The following PLXNA4 variants were observed in gnomAD, a reference collection of about 807,000 sequenced individuals.
PLXNA4 encodes plexin A4.
Under a neutral mutation model 191.8 loss-of-function variants are expected in PLXNA4, and 44 were observed. That is an observed-to-expected ratio of 0.23 (90% CI 0.18 to 0.29). The LOEUF (loss-of-function observed/expected upper bound fraction) is 0.29. Ranked by LOEUF, PLXNA4 falls within the 10% of genes least tolerant of loss-of-function variation. The pLI is 1.00. For missense variants in PLXNA4, 1,800 were observed against 2,488.8 expected (o/e 0.72, Z 5.89); for synonymous variants, 1,082 against 1,009.5 (o/e 1.07, Z -1.36).
intron 4 of PLXNA4, among the ~76,000 whole-genome samples, chr7:132,280,937 T>A (rs986988947): frequency 7.2e-5 from 11 of 151,898 alleles, no homozygotes; most frequent in African/African-American, 1.2e-4. Flanking sequence ...TTATAAAAAA[T>A]TTATTAATAA....
intron 4 of PLXNA4, among the ~76,000 whole-genome samples, chr7:132,267,233 GA>G (rs1366671911): frequency 6.6e-6 from 1 of 152,188 alleles, no homozygotes; most frequent in Non-Finnish European, 1.5e-5. Flanking sequence ...GTTGTTATGT[GA>G]GTGTTTATGT....
chr7:132,547,122 G>A (rs537491625), intron 1 of PLXNA4, among the ~76,000 whole-genome samples: 49 of 152,300 alleles, frequency 3.2e-4, no homozygotes, highest in African/African-American at 1.1e-3. Context: ...AGAATTTAAA[G>A]TGAAAAATCC....
chr7:132,469,810 G>A (rs529748639), intron 3 of PLXNA4, among the ~76,000 whole-genome samples: 2 of 152,334 alleles, frequency 1.3e-5, no homozygotes, highest in South Asian at 2.1e-4. Context: ...CTGTTAAGCG[G>A]AAGATGGCAG....
chr7:132,337,189 T>A (rs1005181109), intron 3 of PLXNA4, among the ~76,000 whole-genome samples: 2 of 152,192 alleles, frequency 1.3e-5, no homozygotes, highest in Non-Finnish European at 2.9e-5. Context: ...TTCTCCCCCA[T>A]AAAGGCAGGG....
chr7:132,189,977 A>G (rs984459885), intron 14 of PLXNA4, among the ~76,000 whole-genome samples: 6 of 152,214 alleles, frequency 3.9e-5, no homozygotes, highest in African/African-American at 1.4e-4. Context: ...ATGTCCCTTA[A>G]GTAGAAAAAT....
chr7:132,522,725 T>C (rs984388995), intron 1 of PLXNA4, among the ~76,000 whole-genome samples: 2 of 152,166 alleles, frequency 1.3e-5, no homozygotes, highest in African/African-American at 4.8e-5. Flanking sequence ...CAAGCTGAGA[T>C]TGTGCCACTG....
At chr7:132,214,789 C>T (rs1584855405) in intron 9 of PLXNA4, among the ~76,000 whole-genome samples, 1 of 152,272 alleles carries the variant, frequency 6.6e-6, no homozygotes, top group African/African-American at 2.4e-5. Flanking sequence ...ACTGTGAGAA[C>T]AAGTCTGTCT....
chr7:132,420,217 G>A (rs1021870934), intron 3 of PLXNA4, among the ~76,000 whole-genome samples: 17 of 152,184 alleles, frequency 1.1e-4, no homozygotes, highest in Non-Finnish European at 2.1e-4. Flanking sequence ...TTAATTGATG[G>A]TCTCTGTTCC....
intron 2 of PLXNA4, among the ~76,000 whole-genome samples, chr7:132,502,420 G>T (rs1043745118): frequency 6.6e-6 from 1 of 152,182 alleles, no homozygotes; most frequent in Admixed American, 6.5e-5. Flanking sequence ...ACACAGGGCT[G>T]GTGGGTAAAC....
chr7:132,643,958 A>C (rs1428356085), intron 2 of PLXNA4, among the ~76,000 whole-genome samples: 1 of 152,184 alleles, frequency 6.6e-6, no homozygotes, highest in Non-Finnish European at 1.5e-5. Flanking sequence ...CTTAAAAAAA[A>C]AGAATGGAAA....
At chr7:132,166,223 A>C (rs894773402) in intron 22 of PLXNA4, among the ~76,000 whole-genome samples, 10 of 151,332 alleles carry the variant, frequency 6.6e-5, no homozygotes, top group African/African-American at 1.2e-4. Flanking sequence ...GAAACAAACA[A>C]GAAACTGTCC....
At chr7:132,135,795 T>C (rs947298676) in intron 30 of PLXNA4, among the ~76,000 whole-genome samples, 1 of 152,096 alleles carries the variant, frequency 6.6e-6, no homozygotes, top group Non-Finnish European at 1.5e-5. Flanking sequence ...CCTGAACACA[T>C]CATCCTCTCT....
chr7:132,435,427 C>T (rs1344063577), intron 3 of PLXNA4, among the ~76,000 whole-genome samples: 5 of 151,990 alleles, frequency 3.3e-5, no homozygotes, highest in South Asian at 2.1e-4. Flanking sequence ...GCCTGCAGAC[C>T]CAGAAATGGC....
At position 132,336,194 on chromosome 7, in the gene PLXNA4, T is replaced by C. The variant is rs959861787; in HGVS notation, c.1372-37972A>G. 1.1e-4 allele frequency among the ~76,000 whole-genome samples: 17 copies of C among 152,362 alleles called. No homozygotes were observed. The East Asian group carries it at 3.1e-3, about 28-fold the overall frequency. ...TTCTAGTCCACACCAACTCTGTTTC[T>C]GGAGTTAAGATTTAATTAGCTTCAT... On this transcript the variant is annotated intron_variant, in intron 3 of 31. Coordinates refer to ENST00000321063, the MANE Select transcript of PLXNA4 (RefSeq NM_020911.2).
chr7:132,571,575 GC>G (rs906890221), intron 1 of PLXNA4, among the ~76,000 whole-genome samples: 1 of 152,122 alleles, frequency 6.6e-6, no homozygotes, highest in Non-Finnish European at 1.5e-5. Flanking sequence ...AAGAATCTTT[GC>G]CCAAGAGTGA....
intron 3 of PLXNA4, among the ~76,000 whole-genome samples, chr7:132,343,244 T>C (rs1360678067): frequency 2.0e-5 from 3 of 152,218 alleles, no homozygotes; most frequent in African/African-American, 7.2e-5. Flanking sequence ...AAAATATTCC[T>C]AACATAAAAT....
intron 3 of PLXNA4, among the ~76,000 whole-genome samples, chr7:132,470,050 T>A (rs1268523804): frequency 6.6e-6 from 1 of 152,244 alleles, no homozygotes; most frequent in Non-Finnish European, 1.5e-5. Flanking sequence ...CAAAAGCCTC[T>A]CTGCCTTGTC....
At chr7:132,405,267 GC>G (rs1300951033) in intron 3 of PLXNA4, among the ~76,000 whole-genome samples, 1 of 152,110 alleles carries the variant, frequency 6.6e-6, no homozygotes, top group African/African-American at 2.4e-5. Context: ...TTTGAAATGG[GC>G]TACCGCAATG....
At chr7:132,361,842 C>T (rs372785532) in intron 3 of PLXNA4, among the ~76,000 whole-genome samples, 27 of 151,750 alleles carry the variant, frequency 1.8e-4, no homozygotes, top group African/African-American at 3.9e-4. Flanking sequence ...TGTGTGTGCA[C>T]GCGTGCGTGA....
Sources: allele counts gnomAD v4.1 joint callset (sites outside exome capture counted in the v4.1 genomes callset), GRCh38; gene constraint gnomAD v4.1.1; transcripts MANE v1.5; gene names NCBI Gene and HGNC (gene_info 2026-07-23, HGNC 2026-07-21).